Variants in ZNF554 observed in about 807,000 individuals in gnomAD.
ZNF554 encodes zinc finger protein 554.
In ZNF554, 15 loss-of-function variants were observed where a neutral mutation model predicts 21.2. The observed-to-expected ratio is 0.71, with a 90% CI of 0.47 to 1.09. The LOEUF is 1.09. Ranked by LOEUF, ZNF554 falls within the 50% of genes least tolerant of loss-of-function variation. The pLI is 0.00. For missense variants in ZNF554, 691 were observed against 662.7 expected (o/e 1.04, Z -0.47); for synonymous variants, 258 against 251.4 (o/e 1.03, Z -0.25).
rs199798667 is a variant in ZNF554, at chr19:2,833,726, T to C, written c.491T>C (p.Val164Ala). 72 of 1,545,912 alleles carry C rather than the reference T, an allele frequency of 4.7e-5. No homozygotes were observed. Among genetic ancestry groups the C allele is most frequent in the Admixed American group, 1.9e-4 (9 of 47,018 alleles). Residue 164 changes from valine (V) to alanine (A), a missense_variant, in exon 5 of 5, where the codon GTG becomes GCG. By Grantham distance (64) the Val-to-Ala change is moderately conservative. Coordinates refer to ENST00000317243, the MANE Select transcript of ZNF554 (RefSeq NM_001102651.2). ...LRNQDSTYKK[V>A]ALQEEPASGI... ...AACCAAGACTCAACTTACAAGAAGG[T>C]GGCTTTGCAGGAGGAACCAGCCAGT...
At chr19:2,830,126 G>T (rs901145488) in intron 3 of ZNF554, among the ~76,000 whole-genome samples, 1 of 152,116 alleles carries the variant, frequency 6.6e-6, no homozygotes, top group Admixed American at 6.6e-5. Flanking sequence ...TAGTAGAGAT[G>T]GGATTTCACT....
At chr19:2,826,063 A>G (rs898958427) in intron 2 of ZNF554, among the ~76,000 whole-genome samples, 1 of 149,952 alleles carries the variant, frequency 6.7e-6, no homozygotes, top group African/African-American at 2.5e-5. Context: ...ACCACGCTTG[A>G]CTAATTTTGT....
chr19:2,825,227 TG>T (rs1465695452), intron 2 of ZNF554, among the ~76,000 whole-genome samples: 1 of 152,054 alleles, frequency 6.6e-6, no homozygotes, highest in Admixed American at 6.5e-5. Context: ...TGGCCCAGGC[TG>T]GCTGTGAACT....
At chr19:2,822,342 T>C (rs2087275383) in intron 1 of ZNF554, among the ~76,000 whole-genome samples, 1 of 152,122 alleles carries the variant, frequency 6.6e-6, no homozygotes. Flanking sequence ...TGAGCCACCA[T>C]ACCCGAGCTT....
rs1251553469 is a variant in ZNF554 at position 2,834,809 on chromosome 19, G to T, written c.1574G>T (p.Cys525Phe). 1 of 1,608,226 alleles carries T rather than the reference G, an allele frequency of 6.2e-7. No homozygotes were observed. Among genetic ancestry groups the T allele is most frequent in the East Asian group, 2.2e-5 (1 of 44,704 alleles). ...SSQKTYKIID[C>F]GKAFYQNRHL... is the part of the protein sequence containing the mutation. ...CAGAAAACCTATAAAATCATTGACT[G>T]TGGGAAAGCGTTCTACCAGAACAGA... Residue 525 changes from cysteine to phenylalanine, a missense_variant, in exon 5 of 5, where the codon TGT (cysteine) becomes TTT (phenylalanine). Cys to Phe is a radical substitution (Grantham distance 205). Coordinates refer to ENST00000317243, the MANE Select transcript of ZNF554 (RefSeq NM_001102651.2).
In ZNF554 at chr19:2,821,466, T is replaced by C. The variant is rs759362015; in HGVS notation, c.53+1342T>C. On this transcript the variant is annotated intron_variant, in intron 1 of 4. Transcript: ENST00000317243. This position sits in a 1 kb window ranked among gnomAD's most constrained non-coding sequence, Gnocchi z 8.2. ...GGCTTGAAATTTATTCTCTCACAAG[T>C]CTGGAGGCCAGAAGCCCAACATGAA... Among the ~76,000 whole-genome samples, 38 of 151,750 alleles carry C rather than the reference T, an allele frequency of 2.5e-4. No homozygotes were observed. The highest frequency in any genetic ancestry group is 5.0e-4 in the Non-Finnish European group (34 of 68,018).
rs2087473459 is a variant in ZNF554, at chr19:2,834,604, A to G, written c.1369A>G (p.Thr457Ala). Reference sequence around the variant, plus strand: ...TTCCTCTCTCAACCAGCACGAGCGAACTCACACGGGCGAGAACCCCTATGA... The same window carrying G: ...TTCCTCTCTCAACCAGCACGAGCGAGCTCACACGGGCGAGAACCCCTATGA... ...DRSSLNQHER[T>A]HTGENPYECK... The change falls in exon 5 of 5, where the codon ACT becomes GCT. Residue 457 changes from threonine to alanine, a missense_variant. Coordinates refer to ENST00000317243, the MANE Select transcript of ZNF554 (RefSeq NM_001102651.2). 2 of 1,614,054 alleles carry G rather than the reference A, an allele frequency of 1.2e-6. No individual in the cohort carries two copies. Among genetic ancestry groups the G allele is most frequent in the South Asian group, 2.2e-5 (2 of 91,074 alleles).
In ZNF554 at chr19:2,819,988, C is replaced by T. The variant is rs563305400; in HGVS notation, c.-84C>T. The T allele has an allele frequency of 1.8e-6, 2 of 1,083,336 alleles. No homozygotes were observed. The highest frequency in any genetic ancestry group is 1.7e-5 in the African/African-American group (1 of 60,446). 67.1% of individuals were successfully genotyped at this position (1,083,336 alleles called of 1,614,324 possible). A position where few individuals can be genotyped will look rare whatever the true frequency, so the allele number is the denominator to read the frequency against. On this transcript the variant is annotated 5_prime_UTR_variant, in exon 1 of 5. Coordinates refer to ENST00000317243, the MANE Select transcript of ZNF554 (RefSeq NM_001102651.2). ...GAGGAGCCGAGCGGAGGAGGCGTCC[C>T]AGGGACACGCAGGGGAGGCCGGCCG... is the stretch of plus-strand genomic sequence containing the variant.
chr19:2,834,337 A>G lies in ZNF554; in HGVS notation c.1102A>G (p.Thr368Ala). 1.2e-6 allele frequency: 2 copies of G among 1,613,990 alleles called. No homozygotes were observed. Among genetic ancestry groups the G allele is most frequent in the Non-Finnish European group, 1.7e-6 (2 of 1,180,000 alleles). The change falls in exon 5 of 5, where the codon ACG (threonine) becomes GCG (alanine). Residue 368 changes from threonine (T) to alanine (A), a missense_variant. By Grantham distance (58) the Thr-to-Ala change is moderately conservative (BLOSUM62 0). Transcript: ENST00000317243. ...AGCCTTTACGCACAGCTCCACCCTC[A>G]CGCGCCATCTGAGAACTCATACTGG... is the stretch of plus-strand genomic sequence containing the variant. ...GRAFTHSSTL[T>A]RHLRTHTGEK...
rs570849181 is a variant in ZNF554 at position 2,820,747 on chromosome 19, C to G, written c.53+623C>G. Among the ~76,000 whole-genome samples, 5 of 145,166 alleles carry G rather than the reference C, an allele frequency of 3.4e-5. No individual in the cohort carries two copies. In the South Asian group the frequency reaches 1.1e-3, roughly 32 times the overall value. ...TGGCATGATCTCGGCTCACTGCAAC[C>G]TCCGCCTCCCGGGTTCAAGCCATTG... is the stretch of plus-strand genomic sequence containing the variant. On this transcript the variant is annotated intron_variant, in intron 1 of 4. Coordinates refer to ENST00000317243, the MANE Select transcript of ZNF554 (RefSeq NM_001102651.2).
intron 1 of ZNF554, among the ~76,000 whole-genome samples, 172 bp from the exon 2 acceptor site, chr19:2,822,868 T>C (rs1156851012): frequency 6.6e-6 from 1 of 152,200 alleles, no homozygotes; most frequent in Non-Finnish European, 1.5e-5. Flanking sequence ...AGGGAGACCC[T>C]ATCTCTTAAA....
chr19:2,834,180 C>T lies in ZNF554; in HGVS notation c.945C>T (p.Asn315=), dbSNP rs2087463099. The T allele has an allele frequency of 1.2e-6, 2 of 1,614,022 alleles. No individual in the cohort carries two copies. The highest frequency in any genetic ancestry group is 1.7e-5 in the Admixed American group (1 of 60,018). ...LNHGMALTIH[N]KINTAEKPFE... ...ACGGTATGGCCCTGACTATCCACAA[C>T]AAAATCAACACGGCAGAGAAACCCT... is the stretch of plus-strand genomic sequence containing the variant. The change falls in exon 5 of 5, where the codon AAC becomes AAT. Residue 315 remains asparagine (N), a synonymous_variant. Transcript: ENST00000317243.
intron 1 of ZNF554, among the ~76,000 whole-genome samples, 179 bp downstream of exon 1, chr19:2,820,303 C>G (rs1180205408): frequency 1.3e-5 from 2 of 152,214 alleles, no homozygotes; most frequent in African/African-American, 2.4e-5. Flanking sequence ...GCACGGTCTG[C>G]CCTTGCCCTG....
chr19:2,827,408 C>T (rs58300613), intron 2 of ZNF554, among the ~76,000 whole-genome samples: 8,806 of 152,160 alleles, frequency 0.058, 361 homozygotes, highest in East Asian at 0.21. Flanking sequence ...GCTGGTCGTC[C>T]TTGTTGTGTT....
chr19:2,827,546 A>C, intron 2 of ZNF554, 71 bp from the exon 3 acceptor site: 1 of 1,550,938 alleles, frequency 6.4e-7, no homozygotes, highest in East Asian at 2.3e-5. Context: ...GGTGCCACCA[A>C]CCTCACCCCT....
chr19:2,830,102 A>T (rs945278465), intron 3 of ZNF554, among the ~76,000 whole-genome samples: 2 of 151,994 alleles, frequency 1.3e-5, no homozygotes, highest in East Asian at 1.9e-4. Flanking sequence ...TTTTTTAATA[A>T]TTTTTTGTAT....
intron 2 of ZNF554, among the ~76,000 whole-genome samples, chr19:2,824,507 C>T (rs2087303551): frequency 6.6e-6 from 1 of 152,238 alleles, no homozygotes; most frequent in Admixed American, 6.5e-5. Context: ...GCAGGCAGTG[C>T]TGCCCAGGAA....
intron 3 of ZNF554, among the ~76,000 whole-genome samples, chr19:2,829,946 A>G (rs1238563434): frequency 6.6e-6 from 1 of 151,714 alleles, no homozygotes; most frequent in Non-Finnish European, 1.5e-5. Flanking sequence ...TTTTTTTGAG[A>G]CGGAGTCTCG....
intron 3 of ZNF554, among the ~76,000 whole-genome samples, chr19:2,828,481 G>A (rs1355859553): frequency 1.3e-5 from 2 of 152,110 alleles, no homozygotes; most frequent in Admixed American, 1.3e-4. Flanking sequence ...CTGAGGTCAG[G>A]AGTTCAAGAC....
Sources: allele counts gnomAD v4.1 joint callset (sites outside exome capture counted in the v4.1 genomes callset), GRCh38; gene constraint gnomAD v4.1.1; non-coding constraint Gnocchi (gnomAD v3.1); transcripts MANE v1.5; gene names NCBI Gene and HGNC (gene_info 2026-07-23, HGNC 2026-07-21).